Variants in SLC15A1 observed in about 807,000 individuals in gnomAD.
SLC15A1 encodes Caco-2 oligopeptide transporter.
Under a neutral mutation model 92.9 loss-of-function variants are expected in SLC15A1, and 83 were observed. The ratio of observed to expected loss-of-function variants is 0.89; its 90% CI spans 0.75 to 1.07. SLC15A1 has a LOEUF of 1.07. Among genes scored for constraint, SLC15A1 ranks in the 50% least tolerant of loss-of-function variants. The probability of loss-of-function intolerance (pLI) is 0.00; values close to 1 mark genes in which losing one functional copy is unlikely to be tolerated. For missense variants in SLC15A1, 857 were observed against 880.1 expected (o/e 0.97, Z 0.33); for synonymous variants, 322 against 318.2 (o/e 1.01, Z -0.13).
At chr13:98,727,225 A>T (rs1408386203) in intron 1 of SLC15A1, among the ~76,000 whole-genome samples, 1 of 152,030 alleles carries the variant, frequency 6.6e-6, no homozygotes, top group Non-Finnish European at 1.5e-5. Context: ...TGGGGATGAA[A>T]TTTCTGTAAT....
intron 18 of SLC15A1, among the ~76,000 whole-genome samples, chr13:98,697,266 G>C (rs149176605): frequency 1.5e-3 from 224 of 152,268 alleles, no homozygotes; most frequent in African/African-American, 5.0e-3. Flanking sequence ...ATGTTGGCCA[G>C]GCTGATCTTG....
intron 18 of SLC15A1, among the ~76,000 whole-genome samples, chr13:98,701,987 T>C (rs2088071762): frequency 6.6e-6 from 1 of 152,118 alleles, no homozygotes; most frequent in African/African-American, 2.4e-5. Flanking sequence ...TTGGAAATAT[T>C]TTTATTTCTT....
intron 1 of SLC15A1, among the ~76,000 whole-genome samples, chr13:98,742,544 G>A (rs1376625048): frequency 6.6e-6 from 1 of 152,188 alleles, no homozygotes; most frequent in African/African-American, 2.4e-5. Flanking sequence ...ACATGGAAAT[G>A]TGGCCTTTCA....
chr13:98,702,803 C>A (rs778678828), intron 17 of SLC15A1, among the ~76,000 whole-genome samples: 3 of 151,546 alleles, frequency 2.0e-5, no homozygotes, highest in Admixed American at 6.6e-5. Flanking sequence ...TAGAAATTAG[C>A]CAGGTGTGGT....
intron 18 of SLC15A1, among the ~76,000 whole-genome samples, 190 bp from the exon 19 acceptor site, chr13:98,688,767 A>G (rs2139560831): frequency 6.6e-6 from 1 of 152,340 alleles, no homozygotes; most frequent in South Asian, 2.1e-4. Flanking sequence ...ACTCATGAGA[A>G]CACACCTAAA....
chr13:98,725,318 G>A (rs949278220), intron 4 of SLC15A1, among the ~76,000 whole-genome samples: 8 of 152,162 alleles, frequency 5.3e-5, no homozygotes, highest in African/African-American at 1.9e-4. Flanking sequence ...TGGCCTGGAA[G>A]AGCCTCTACT....
At chr13:98,691,787 G>T (rs1593979985) in intron 18 of SLC15A1, among the ~76,000 whole-genome samples, 3 of 152,114 alleles carry the variant, frequency 2.0e-5, no homozygotes, top group Admixed American at 2.0e-4. Flanking sequence ...AAAATGGAAA[G>T]CTTGAGCGGG....
At chr13:98,722,016 G>C (rs2088264723) in intron 5 of SLC15A1, 113 bp from the exon 6 acceptor site, 1 of 794,888 alleles carries the variant, frequency 1.3e-6, no homozygotes, top group Non-Finnish European at 1.9e-6. Context: ...TAGAGAAGAA[G>C]ACAATCTCGC....
chr13:98,721,300 G>C, intron 7 of SLC15A1, 195 bp downstream of exon 7: 2 of 697,040 alleles, frequency 2.9e-6, no homozygotes, highest in South Asian at 1.5e-5. Context: ...ACTGGGATAA[G>C]GGATTTAAAT....
chr13:98,704,247 C>A, intron 17 of SLC15A1, 42 bp downstream of exon 17: 1 of 1,520,498 alleles, frequency 6.6e-7, no homozygotes, highest in South Asian at 1.3e-5. Flanking sequence ...CCTCCAGTAT[C>A]ACAAATAGCA....
At chr13:98,696,788 G>A (rs1301942719) in intron 18 of SLC15A1, among the ~76,000 whole-genome samples, 9 of 152,180 alleles carry the variant, frequency 5.9e-5, no homozygotes, top group Non-Finnish European at 8.8e-5. Context: ...CTAATCCCCA[G>A]TACCTCAGAG....
At chr13:98,702,374 C>A in intron 18 of SLC15A1, 106 bp downstream of exon 18, 1 of 835,730 alleles carries the variant, frequency 1.2e-6, no homozygotes, top group Non-Finnish European at 2.1e-6. Flanking sequence ...CTGGGACAAA[C>A]CCTATAATCT....
rs537076050 is a variant in SLC15A1, at chr13:98,724,402, G to A, written c.246-371C>T. Among the ~76,000 whole-genome samples, 4 of 152,312 alleles carry A rather than the reference G, an allele frequency of 2.6e-5. No individual in the cohort carries two copies. The South Asian group carries it at 8.3e-4, about 32-fold the overall frequency. On this transcript the variant is annotated intron_variant, in intron 4 of 22. Coordinates refer to ENST00000376503, the MANE Select transcript of SLC15A1 (RefSeq NM_005073.4). ...GCCTGTGGTCCTAGCTGCTCAGGAG[G>A]CTGAGGTGGGAGGATCACTTGAGTC...
chr13:98,694,118 A>G (rs757012693), intron 18 of SLC15A1, among the ~76,000 whole-genome samples: 27 of 152,214 alleles, frequency 1.8e-4, no homozygotes, highest in Non-Finnish European at 1.0e-4. Flanking sequence ...CCCATGGTTG[A>G]AAGCTTCACA....
intron 18 of SLC15A1, among the ~76,000 whole-genome samples, chr13:98,691,171 A>C (rs2087972650): frequency 1.3e-5 from 2 of 151,870 alleles, no homozygotes; most frequent in African/African-American, 4.8e-5. Context: ...AGACTCCCAA[A>C]TAGCTGGGAC....
intron 1 of SLC15A1, 144 bp from the exon 2 acceptor site, chr13:98,727,003 C>T: frequency 1.4e-6 from 1 of 725,542 alleles, no homozygotes; most frequent in South Asian, 1.7e-5. Context: ...ATCCCGGCCC[C>T]AGACTCATGC....
chr13:98,709,435 G>A (rs1487819652), intron 14 of SLC15A1, 137 bp downstream of exon 14: 6 of 672,396 alleles, frequency 8.9e-6, no homozygotes, highest in Middle Eastern at 7.6e-4. Flanking sequence ...ATCAGCACAC[G>A]AACATTTGTT....
At position 98,706,254 on chromosome 13, in the gene SLC15A1, C is replaced by A; in HGVS notation, c.1150-1G>T. The A allele has an allele frequency of 6.2e-7, 1 of 1,611,496 alleles. No homozygotes were observed. Among genetic ancestry groups the A allele is most frequent in the Non-Finnish European group, 8.5e-7 (1 of 1,179,192 alleles). On this transcript the variant is annotated splice_acceptor_variant, in intron 15 of 22. Transcript: ENST00000376503. LOFTEE classifies it high-confidence loss of function. ...CTTTGGGGAAGACTGGAAGAGTTTT[C>A]TGAGCAAAATAAAAGAAAATTGGCA...
chr13:98,721,197 C>G (rs766387619), intron 7 of SLC15A1: 42 of 563,310 alleles, frequency 7.5e-5, no homozygotes, highest in Non-Finnish European at 1.3e-4. Flanking sequence ...CCTCTCTTGC[C>G]TCTTACCTCT....
Sources: allele counts gnomAD v4.1 joint callset (sites outside exome capture counted in the v4.1 genomes callset), GRCh38; gene constraint gnomAD v4.1.1; transcripts MANE v1.5; gene names NCBI Gene and HGNC (gene_info 2026-07-23, HGNC 2026-07-21).